SOX6: variants seen among roughly 807,000 people sequenced by gnomAD.
SOX6 encodes transcription factor SOX-6.
SOX6 carries 11 observed loss-of-function variants against 97.8 expected under a neutral mutation model. The ratio of observed to expected loss-of-function variants is 0.11; its 90% CI spans 0.07 to 0.19. SOX6 has a LOEUF of 0.19. Among genes scored for constraint, SOX6 ranks in the 10% least tolerant of loss-of-function variants. The pLI, the probability that SOX6 is intolerant of heterozygous loss-of-function variation, is 1.00. For missense variants in SOX6, 810 were observed against 1,039.5 expected (o/e 0.78, Z 3.04); for synonymous variants, 360 against 371.4 (o/e 0.97, Z 0.35).
At chr11:16,056,207 T>C (rs1454729193) in intron 9 of SOX6, among the ~76,000 whole-genome samples, 1 of 152,010 alleles carries the variant, frequency 6.6e-6, no homozygotes, top group Non-Finnish European at 1.5e-5. Context: ...CTAAGTAGCC[T>C]CTAAGATGCT....
intron 1 of SOX6, among the ~76,000 whole-genome samples, chr11:16,432,542 T>C (rs1859291771): frequency 6.6e-6 from 1 of 152,114 alleles, no homozygotes; most frequent in Non-Finnish European, 1.5e-5. Context: ...ATTGCCGTAA[T>C]CAGAAACCCA....
intron 6 of SOX6, among the ~76,000 whole-genome samples, chr11:16,114,266 G>T (rs1171161548): frequency 1.3e-5 from 2 of 151,984 alleles, no homozygotes; most frequent in African/African-American, 2.4e-5. Flanking sequence ...GCCTCTAAAG[G>T]CCTTGTTGGC....
chr11:16,162,528 G>A (rs1374494566), intron 6 of SOX6, among the ~76,000 whole-genome samples: 1 of 152,076 alleles, frequency 6.6e-6, no homozygotes, highest in East Asian at 1.9e-4. Flanking sequence ...ATTTAAAAGT[G>A]TGTGGCATCT....
At chr11:16,057,845 G>C (rs187182062) in intron 9 of SOX6, among the ~76,000 whole-genome samples, 21 of 152,156 alleles carry the variant, frequency 1.4e-4, no homozygotes, top group Admixed American at 1.2e-3. Context: ...TGTTATTAAG[G>C]AAGCCTGACA....
At chr11:16,730,502 A>G (rs569261417) in intron 2 of SOX6, among the ~76,000 whole-genome samples, 1 of 152,332 alleles carries the variant, frequency 6.6e-6, no homozygotes, top group African/African-American at 2.4e-5. Flanking sequence ...ACTACTGGGT[A>G]AATAACGAAA....
At chr11:16,373,775 C>G (rs1857556945) in intron 1 of SOX6, among the ~76,000 whole-genome samples, 1 of 138,470 alleles carries the variant, frequency 7.2e-6, no homozygotes, top group Non-Finnish European at 1.5e-5. Context: ...ATTATTAGGT[C>G]ATAACCATGC....
chr11:16,227,445 T>A (rs957280615), intron 4 of SOX6, among the ~76,000 whole-genome samples: 23 of 152,236 alleles, frequency 1.5e-4, no homozygotes, highest in African/African-American at 5.5e-4. Context: ...TTAATGTTTT[T>A]TTTTTCAAGA....
At chr11:16,547,927 T>C (rs1325874766) in intron 4 of SOX6, among the ~76,000 whole-genome samples, 2 of 152,092 alleles carry the variant, frequency 1.3e-5, no homozygotes, top group Non-Finnish European at 2.9e-5. Flanking sequence ...ACAGCAATTG[T>C]TTTTAAAAAT....
chr11:16,321,469 T>C (rs2134307503), intron 2 of SOX6, among the ~76,000 whole-genome samples: 1 of 151,768 alleles, frequency 6.6e-6, no homozygotes, highest in African/African-American at 2.4e-5. Context: ...GCATTTAGGC[T>C]CCAAAGAGTA....
At chr11:16,592,041 C>T (rs989686604) in intron 4 of SOX6, among the ~76,000 whole-genome samples, 9 of 152,016 alleles carry the variant, frequency 5.9e-5, no homozygotes, top group Admixed American at 4.6e-4. Flanking sequence ...ATTATTTCAT[C>T]TATATCTCTT....
At chr11:16,483,767 G>C (rs939725361) in intron 4 of SOX6, among the ~76,000 whole-genome samples, 1 of 152,194 alleles carries the variant, frequency 6.6e-6, no homozygotes, top group Non-Finnish European at 1.5e-5. Context: ...AATCCTTGTG[G>C]GAGGCACAGC....
chr11:16,019,436 A>G (rs1220387117), intron 12 of SOX6, among the ~76,000 whole-genome samples: 1 of 152,092 alleles, frequency 6.6e-6, no homozygotes, highest in South Asian at 2.1e-4. Context: ...CTAAGGGGCC[A>G]TTATCTATAG....
chr11:16,522,838 C>T (rs540790405), intron 4 of SOX6, among the ~76,000 whole-genome samples: 37 of 152,250 alleles, frequency 2.4e-4, no homozygotes, highest in African/African-American at 7.2e-4. Flanking sequence ...ATCCTAGTCT[C>T]TGATAAACCA....
chr11:16,553,425 T>C (rs1847711957), intron 4 of SOX6, among the ~76,000 whole-genome samples: 1 of 152,180 alleles, frequency 6.6e-6, no homozygotes, highest in Non-Finnish European at 1.5e-5. Context: ...AAAGGGGCAG[T>C]AACTTCCAGG....
chr11:16,662,359 A>C (rs1847771742), intron 3 of SOX6, among the ~76,000 whole-genome samples: 2 of 152,212 alleles, frequency 1.3e-5, no homozygotes, highest in Admixed American at 6.5e-5. Context: ...GTTTGTGAAA[A>C]GAATTCAATG....
At chr11:16,491,871 T>TA (rs2133133152) in intron 4 of SOX6, among the ~76,000 whole-genome samples, 1 of 152,174 alleles carries the variant, frequency 6.6e-6, no homozygotes, top group South Asian at 2.1e-4. Context: ...ATTAAAAAGG[T>TA]AAAACAATGA....
intron 12 of SOX6, among the ~76,000 whole-genome samples, chr11:16,019,236 G>A (rs991521999): frequency 6.6e-6 from 1 of 152,066 alleles, no homozygotes. Context: ...AATGGCACAC[G>A]CTGAGAGGTT....
intron 8 of SOX6, 95 bp from the exon 9 acceptor site, chr11:16,096,213 C>G (rs997061072): frequency 7.8e-6 from 11 of 1,414,542 alleles, no homozygotes; most frequent in Non-Finnish European, 8.8e-6. Context: ...AGGGTATTGA[C>G]CACATCAAAA....
intron 4 of SOX6, among the ~76,000 whole-genome samples, chr11:16,590,687 G>A (rs1437836575): frequency 6.6e-6 from 1 of 152,000 alleles, no homozygotes; most frequent in African/African-American, 2.4e-5. Flanking sequence ...AGTGAAATAA[G>A]CCAGTCACAG....
Sources: allele counts gnomAD v4.1 joint callset (sites outside exome capture counted in the v4.1 genomes callset), GRCh38; gene constraint gnomAD v4.1.1; transcripts MANE v1.5; gene names NCBI Gene and HGNC (gene_info 2026-07-23, HGNC 2026-07-21).